EIF2AK4: variants seen among roughly 807,000 people sequenced by gnomAD.
EIF2AK4 encodes eIF-2-alpha kinase GCN2.
In EIF2AK4, 139 loss-of-function variants were observed where a neutral mutation model predicts 211.1. The ratio of observed to expected loss-of-function variants is 0.66; its 90% CI spans 0.57 to 0.76. The LOEUF is 0.76. EIF2AK4 is among the 30% of genes least tolerant of loss of function. The pLI is 0.00. For missense variants in EIF2AK4, 1,664 were observed against 2,043.8 expected, an observed-to-expected ratio of 0.81 and a Z score of 3.58; for synonymous variants, 710 against 751.3, an observed-to-expected ratio of 0.94 and a Z score of 0.90.
chr15:39,971,385 A>G (rs1471457861), intron 9 of EIF2AK4, among the ~76,000 whole-genome samples: 1 of 152,156 alleles, frequency 6.6e-6, no homozygotes, highest in Non-Finnish European at 1.5e-5. Context: ...TTAGCCATGC[A>G]TGGTGACACT....
chr15:40,023,327 T>C (rs2035419671), intron 32 of EIF2AK4, among the ~76,000 whole-genome samples: 1 of 152,234 alleles, frequency 6.6e-6, no homozygotes, highest in Non-Finnish European at 1.5e-5. Flanking sequence ...AAAACTTTCT[T>C]AAAAATATTT....
intron 8 of EIF2AK4, 85 bp from the exon 9 acceptor site, chr15:39,967,259 A>C: frequency 7.0e-7 from 1 of 1,422,898 alleles, no homozygotes; most frequent in East Asian, 2.5e-5. Flanking sequence ...CCCATCTTGT[A>C]TGATCAAATA....
At chr15:39,986,500 C>T (rs942641157) in intron 14 of EIF2AK4, among the ~76,000 whole-genome samples, 5 of 152,254 alleles carry the variant, frequency 3.3e-5, no homozygotes, top group Non-Finnish European at 7.3e-5. Flanking sequence ...GCCTGCCTAC[C>T]TGCCAGAGCA....
chr15:39,940,061 G>A (rs1041354717), intron 2 of EIF2AK4, among the ~76,000 whole-genome samples: 3 of 152,280 alleles, frequency 2.0e-5, no homozygotes, highest in South Asian at 2.1e-4. Flanking sequence ...GATCTGTCCT[G>A]CCTCTCAATG....
At chr15:40,005,531 CTG>C (rs887362191) in intron 23 of EIF2AK4, among the ~76,000 whole-genome samples, 14 of 151,606 alleles carry the variant, frequency 9.2e-5, no homozygotes, top group Admixed American at 5.9e-4. Context: ...AAACAAAAAA[CTG>C]TACATAAGGT....
At chr15:40,022,279 TATTG>T (rs2035401690) in intron 31 of EIF2AK4, 1 of 406,828 alleles carries the variant, frequency 2.5e-6, no homozygotes, top group Non-Finnish European at 4.4e-6. Flanking sequence ...AACCTCTTAC[TATTG>T]ATTGATTATT....
At chr15:39,939,123 A>C (rs2034108350) in intron 1 of EIF2AK4, among the ~76,000 whole-genome samples, 2 of 151,912 alleles carry the variant, frequency 1.3e-5, no homozygotes, top group South Asian at 4.2e-4. Flanking sequence ...TGTTTTCTTT[A>C]CAGCACTCAT....
chr15:39,969,462 G>A (rs1161089187), intron 9 of EIF2AK4, among the ~76,000 whole-genome samples: 1 of 145,112 alleles, frequency 6.9e-6, no homozygotes, highest in Non-Finnish European at 1.5e-5. Flanking sequence ...CCAGGTTCAC[G>A]CCATTCTCCT....
chr15:39,979,376 A>G (rs750870366), intron 13 of EIF2AK4, among the ~76,000 whole-genome samples: 8 of 152,230 alleles, frequency 5.3e-5, no homozygotes, highest in Non-Finnish European at 1.0e-4. Flanking sequence ...ATGGAGCACA[A>G]TGGAAGATTC....
At chr15:40,000,959 A>G (rs1355282064) in intron 20 of EIF2AK4, 29 bp from the exon 21 acceptor site, 8 of 1,609,052 alleles carry the variant, frequency 5.0e-6, no homozygotes, top group Non-Finnish European at 6.8e-6. Flanking sequence ...ATTGCATCCC[A>G]TTAGCAGTGT....
Position 40,017,547 on chromosome 15 carries a change from A to ATGTATGTATG in EIF2AK4, c.4065+306_4065+307insGTATGTATGT, listed in dbSNP as rs1361348564. On this transcript the variant is annotated intron_variant, in intron 29 of 38. Transcript: ENST00000263791. ...TATATATATATATATATATATATATATATATATGTATTTTGGAGACAGGGC... is the reference window on the plus strand; with the variant it reads ...TATATATATATATATATATATATATATGTATGTATGTATATATGTATTTTGGAGACAGGGC... Among the ~76,000 whole-genome samples, 55 of 55,158 alleles carry ATGTATGTATG rather than the reference A, an allele frequency of 1.0e-3. 3 individuals are homozygous for ATGTATGTATG. Among genetic ancestry groups the ATGTATGTATG allele is most frequent in the Admixed American group, 2.0e-3 (11 of 5,554 alleles). The allele number at this position is 55,158 out of a possible 152,430, so 36.2% of individuals were successfully genotyped here. A position where few individuals can be genotyped will look rare whatever the true frequency, so the allele number is the denominator to read the frequency against.
At chr15:40,032,351 T>C (rs1194993080) in intron 36 of EIF2AK4, 114 bp downstream of exon 36, 1 of 834,160 alleles carries the variant, frequency 1.2e-6, no homozygotes, top group African/African-American at 1.7e-5. Context: ...ATGCAGGCCT[T>C]ATTGTGATGT....
In EIF2AK4 at chr15:39,976,715, G is replaced by A; in HGVS notation, c.2120G>A (p.Ser707Asn). The change falls in exon 12 of 39, where the codon AGC becomes AAC. Residue 707 changes from serine (S) to asparagine (N), a missense_variant. Transcript: ENST00000263791. Reference protein sequence around the residue: ...EAAAPPPILSSSVEWSTSGER... With the variant: ...EAAAPPPILSNSVEWSTSGER... Reference sequence around the variant, plus strand: ...GCCGCGCCGCCACCCATCCTCAGCAGCTCGGTGGAGTGGAGCACTTCGGGC... The same window carrying A: ...GCCGCGCCGCCACCCATCCTCAGCAACTCGGTGGAGTGGAGCACTTCGGGC... 1 of 1,602,842 alleles carries A rather than the reference G, an allele frequency of 6.2e-7. No individual in the cohort carries two copies. Among genetic ancestry groups the A allele is most frequent in the Non-Finnish European group, 8.5e-7 (1 of 1,177,716 alleles).
At chr15:39,992,516 C>G in intron 17 of EIF2AK4, 1 of 572,556 alleles carries the variant, frequency 1.7e-6, no homozygotes, top group South Asian at 2.2e-5. Flanking sequence ...ACCTCATGAC[C>G]TGATCCATCT....
chr15:39,954,271 G>A (rs896877680), intron 5 of EIF2AK4, among the ~76,000 whole-genome samples: 6 of 151,850 alleles, frequency 4.0e-5, no homozygotes, highest in Non-Finnish European at 8.8e-5. Flanking sequence ...TCTTTTTTTT[G>A]AGACAGAGTC....
intron 5 of EIF2AK4, among the ~76,000 whole-genome samples, chr15:39,954,909 T>C (rs1205663561): frequency 6.6e-6 from 1 of 152,248 alleles, no homozygotes; most frequent in Non-Finnish European, 1.5e-5. Flanking sequence ...CTGCCTCACT[T>C]TGTGACCTTG....
At chr15:40,015,896 T>G (rs1201807070) in intron 27 of EIF2AK4, among the ~76,000 whole-genome samples, 1 of 152,224 alleles carries the variant, frequency 6.6e-6, no homozygotes, top group Admixed American at 6.5e-5. Flanking sequence ...TACCAGGGAC[T>G]GTGAGATCAA....
intron 9 of EIF2AK4, among the ~76,000 whole-genome samples, chr15:39,971,874 G>C (rs887973344): frequency 2.6e-5 from 4 of 152,142 alleles, no homozygotes; most frequent in African/African-American, 9.7e-5. Flanking sequence ...TGATTTACTA[G>C]GTCAGGGGTA....
At chr15:40,016,873 T>C (rs1195684009) in intron 28 of EIF2AK4, among the ~76,000 whole-genome samples, 1 of 152,262 alleles carries the variant, frequency 6.6e-6, no homozygotes, top group Non-Finnish European at 1.5e-5. Context: ...GTTCCTATCA[T>C]GAAGCAGTTC....
Sources: gnomAD v4.1 joint callset for allele counts (sites outside exome capture counted in the v4.1 genomes callset) on GRCh38, gnomAD v4.1.1 for gene constraint, MANE v1.5 for transcripts, NCBI Gene and HGNC (gene_info 2026-07-23, HGNC 2026-07-21) for gene names.